Variants in WDR27 observed in about 807,000 individuals in gnomAD.
WDR27 encodes the protein WD repeat domain 27.
Under a neutral mutation model 114.4 loss-of-function variants are expected in WDR27, and 100 were observed. That is an observed-to-expected ratio of 0.87 (90% CI 0.74 to 1.03). The LOEUF (loss-of-function observed/expected upper bound fraction) is 1.03. Among genes scored for constraint, WDR27 ranks in the 50% least tolerant of loss-of-function variants. The pLI is 0.00. For synonymous variants in WDR27, 449 were observed against 423.1 expected (o/e 1.06, Z -0.75); for missense variants, 1,129 against 1,092.9 (o/e 1.03, Z -0.47).
intron 2 of WDR27, among the ~76,000 whole-genome samples, chr6:169,682,664 C>T (rs1048047397): frequency 3.3e-5 from 5 of 152,144 alleles, no homozygotes; most frequent in African/African-American, 9.7e-5. Context: ...AGTGCACAGA[C>T]GTAACCACAT....
chr6:169,656,508 G>T (rs190830378), intron 13 of WDR27, among the ~76,000 whole-genome samples: 127 of 152,218 alleles, frequency 8.3e-4, no homozygotes, highest in Middle Eastern at 3.4e-3. Flanking sequence ...GAGACCAGGC[G>T]GGGTGGGGGG....
chr6:169,659,636 C>G lies in WDR27; in HGVS notation c.1130-118G>C, dbSNP rs373378676. 1.0e-4 allele frequency: 93 copies of G among 910,394 alleles called. 2 individuals carry two copies. The South Asian group carries it at 1.1e-3, about 11-fold the overall frequency. 56.4% of individuals were successfully genotyped at this position (910,394 alleles called of 1,614,324 possible). A position where few individuals can be genotyped will look rare whatever the true frequency, so the allele number is the denominator to read the frequency against. ...AGAGCCCACCACACACAGTCCAGGCCCCACCACACACTTTGCAGGCTGTGC... is the reference window on the plus strand; with the variant it reads ...AGAGCCCACCACACACAGTCCAGGCGCCACCACACACTTTGCAGGCTGTGC... On this transcript the variant is annotated intron_variant, in intron 10 of 25. Transcript: ENST00000448612. This position sits in a 1 kb window ranked among gnomAD's most constrained non-coding sequence, Gnocchi z 4.3.
At chr6:169,464,807 C>T (rs1785343437) in intron 25 of WDR27, among the ~76,000 whole-genome samples, 1 of 152,218 alleles carries the variant, frequency 6.6e-6, no homozygotes, top group Non-Finnish European at 1.5e-5. Context: ...AGAAGATATA[C>T]AAATGCGCAA....
At chr6:169,455,105 C>T (rs1258234114), downstream of WDR27, among the ~76,000 whole-genome samples, 1 of 152,220 alleles carries the variant, frequency 6.6e-6, no homozygotes, top group African/African-American at 2.4e-5. Context: ...GCTGCTCTGT[C>T]CTGCGTGAGG....
At chr6:169,523,267 G>A (rs1302589625) in intron 25 of WDR27, among the ~76,000 whole-genome samples, 2 of 151,948 alleles carry the variant, frequency 1.3e-5, no homozygotes, top group African/African-American at 4.8e-5. Flanking sequence ...CAATAAACCA[G>A]TAATGAGTAA....
At chr6:169,568,535 G>A in intron 25 of WDR27, among the ~76,000 whole-genome samples, 1 of 152,102 alleles carries the variant, frequency 6.6e-6, no homozygotes, top group East Asian at 1.9e-4. Context: ...GAAATAAAGT[G>A]GATGATGTAG....
At chr6:169,450,683 G>C in the WDR27 span, among the ~76,000 whole-genome samples, 1 of 152,296 alleles carries the variant, frequency 6.6e-6, no homozygotes, top group African/African-American at 2.4e-5. Flanking sequence ...AGTCAGAGGT[G>C]GTTTGAGTGA....
chr6:169,481,532 G>T (rs565689462), intron 25 of WDR27, among the ~76,000 whole-genome samples: 1 of 152,192 alleles, frequency 6.6e-6, no homozygotes, highest in East Asian at 1.9e-4. Flanking sequence ...GGTTCGTGGC[G>T]CCTTTATGAG....
intron 13 of WDR27, among the ~76,000 whole-genome samples, chr6:169,657,579 C>T (rs2128255248): frequency 6.6e-6 from 1 of 152,234 alleles, no homozygotes; most frequent in South Asian, 2.1e-4. Flanking sequence ...GTAGGTTTCA[C>T]AAGACCAATT....
At chr6:169,505,864 T>C (rs1004452067) in intron 25 of WDR27, among the ~76,000 whole-genome samples, 6 of 152,190 alleles carry the variant, frequency 3.9e-5, no homozygotes, top group Admixed American at 6.5e-5. Flanking sequence ...GACCTGAGAA[T>C]CTGCTTGTCT....
intron 25 of WDR27, among the ~76,000 whole-genome samples, chr6:169,506,970 G>C (rs762257013): frequency 2.0e-5 from 3 of 152,160 alleles, no homozygotes; most frequent in South Asian, 2.1e-4. Flanking sequence ...ACTGCATTTA[G>C]ATGCATCTAT....
intron 25 of WDR27, chr6:169,558,698 G>A (rs1445820378): frequency 6.6e-6 from 1 of 152,164 alleles, no homozygotes; most frequent in Non-Finnish European, 1.5e-5. Context: ...GAAAGTCTGG[G>A]ATAAGGGCCC....
intron 1 of WDR27, among the ~76,000 whole-genome samples, chr6:169,694,219 TATC>T (rs1259277965): frequency 6.6e-6 from 1 of 151,892 alleles, no homozygotes; most frequent in East Asian, 1.9e-4. Context: ...GAGGCAGGAG[TATC>T]ATCATTTTAA....
intron 25 of WDR27, among the ~76,000 whole-genome samples, chr6:169,477,399 C>T (rs1473203131): frequency 6.6e-6 from 1 of 152,188 alleles, no homozygotes. Flanking sequence ...TATAATTGCA[C>T]AGCTGCTTGG....
chr6:169,697,854 C>T (rs1461487433), intron 1 of WDR27, among the ~76,000 whole-genome samples: 3 of 152,234 alleles, frequency 2.0e-5, no homozygotes, highest in Non-Finnish European at 4.4e-5. Context: ...TACCGGTCTC[C>T]GTGACTTGGT....
chr6:169,504,124 T>C (rs1301417389), intron 25 of WDR27, among the ~76,000 whole-genome samples: 3 of 152,226 alleles, frequency 2.0e-5, no homozygotes, highest in Non-Finnish European at 4.4e-5. Context: ...ACAAATGTGG[T>C]AAAATATTAT....
the WDR27 span, among the ~76,000 whole-genome samples, chr6:169,450,402 C>T: frequency 6.6e-6 from 1 of 152,234 alleles, no homozygotes; most frequent in Non-Finnish European, 1.5e-5. Flanking sequence ...TCTAAAGATA[C>T]TGTTGAATGA....
rs574697794 is a variant in WDR27, at chr6:169,584,682, T to G, written c.2425-1748A>C. Among the ~76,000 whole-genome samples the G allele has an allele frequency of 2.0e-5, 3 of 152,342 alleles. No homozygotes were observed. In the South Asian group the frequency reaches 6.2e-4, roughly 32 times the overall value. ...GATGTGGAGCACCTTTTCGTATAGC[T>G]TTTTGGCCATTTTTATATTGTCTTT... is the stretch of plus-strand genomic sequence containing the variant. On this transcript the variant is annotated intron_variant, in intron 23 of 25. Transcript: ENST00000448612.
At chr6:169,492,982 A>G (rs1235643531) in intron 25 of WDR27, among the ~76,000 whole-genome samples, 1 of 152,102 alleles carries the variant, frequency 6.6e-6, no homozygotes, top group East Asian at 1.9e-4. Flanking sequence ...AAAAGGAGAT[A>G]AAAGAATCAA....
Sources: gnomAD v4.1 joint callset for allele counts (sites outside exome capture counted in the v4.1 genomes callset) on GRCh38, gnomAD v4.1.1 for gene constraint, Gnocchi (gnomAD v3.1) non-coding constraint, MANE v1.5 for transcripts, NCBI Gene and HGNC (gene_info 2026-07-23, HGNC 2026-07-21) for gene names.